SLC35F4: variants seen among roughly 807,000 people sequenced by gnomAD.
SLC35F4 encodes solute carrier family 35 member F4.
In SLC35F4, 24 loss-of-function variants were observed where a neutral mutation model predicts 44.2. The ratio of observed to expected loss-of-function variants is 0.54; its 90% confidence interval spans 0.39 to 0.76. SLC35F4 has a LOEUF of 0.76. Ranked by LOEUF, SLC35F4 falls within the 30% of genes least tolerant of loss-of-function variation. The pLI is 0.00. For synonymous variants in SLC35F4, 238 were observed against 223.6 expected, an observed-to-expected ratio of 1.06 and a Z score of -0.57; for missense variants, 562 against 586.1, an observed-to-expected ratio of 0.96 and a Z score of 0.42.
In SLC35F4 at chr14:57,791,679, G is replaced by T. The variant is rs2077923188; in HGVS notation, c.103+74044C>A. 2.0e-5 allele frequency among the ~76,000 whole-genome samples: 3 copies of T among 152,108 alleles called. 1 individual carries two copies. In the South Asian group the frequency reaches 6.2e-4, roughly 32 times the overall value. On this transcript the variant is annotated intron_variant, in intron 1 of 7. Coordinates refer to ENST00000556826, the MANE Select transcript of SLC35F4 (RefSeq NM_001306087.2). Reference sequence around the variant, plus strand: ...CACATGCACATGTATATTTACTACAGCACTATTCACAATAGCAAAGACTTG... The same window carrying T: ...CACATGCACATGTATATTTACTACATCACTATTCACAATAGCAAAGACTTG...
intron 1 of SLC35F4, among the ~76,000 whole-genome samples, chr14:57,726,744 C>T (rs2076213802): frequency 2.0e-5 from 3 of 152,078 alleles, no homozygotes; most frequent in African/African-American, 7.2e-5. Flanking sequence ...ATGGTTAATA[C>T]TGAGTGTCAA....
chr14:57,867,284 G>T (rs899778957), upstream of SLC35F4, among the ~76,000 whole-genome samples: 1 of 152,076 alleles, frequency 6.6e-6, no homozygotes, highest in Admixed American at 6.6e-5. Flanking sequence ...GAAGAAATAT[G>T]CAAATTTTTT....
At chr14:57,864,979 A>C (rs1887996228) in intron 1 of SLC35F4, among the ~76,000 whole-genome samples, 1 of 152,034 alleles carries the variant, frequency 6.6e-6, no homozygotes, top group Non-Finnish European at 1.5e-5. Flanking sequence ...TCCACGCCGC[A>C]TGACCTCGCT....
At chr14:57,759,424 AC>A (rs1277943091) in intron 1 of SLC35F4, among the ~76,000 whole-genome samples, 1 of 152,150 alleles carries the variant, frequency 6.6e-6, no homozygotes, top group Non-Finnish European at 1.5e-5. Context: ...TACACAAAAT[AC>A]AAAAATTAGC....
At chr14:57,938,993 G>A (rs1395655449) in intron 1 of SLC35F4, among the ~76,000 whole-genome samples, 1 of 152,166 alleles carries the variant, frequency 6.6e-6, no homozygotes, top group African/African-American at 2.4e-5. Context: ...AGAGGAAGGG[G>A]AAAGTCAATT....
At chr14:57,924,131 C>T (rs960292565) in intron 1 of SLC35F4, among the ~76,000 whole-genome samples, 1 of 152,216 alleles carries the variant, frequency 6.6e-6, no homozygotes, top group African/African-American at 2.4e-5. Context: ...TGAGGCCTCA[C>T]CAGCCATGTG....
downstream of SLC35F4, among the ~76,000 whole-genome samples, chr14:57,972,870 C>A (rs1283237105): frequency 6.6e-6 from 1 of 152,188 alleles, no homozygotes; most frequent in Middle Eastern, 3.2e-3. Flanking sequence ...TAGACAAAAC[C>A]CTATACTTAG....
At chr14:57,650,884 C>G (rs994737845) in intron 1 of SLC35F4, among the ~76,000 whole-genome samples, 2 of 152,134 alleles carry the variant, frequency 1.3e-5, no homozygotes, top group African/African-American at 4.8e-5. Context: ...TTCCCTGTGC[C>G]TGGAACCCTT....
At chr14:57,948,988 G>C (rs946422052) in intron 1 of SLC35F4, among the ~76,000 whole-genome samples, 1 of 152,084 alleles carries the variant, frequency 6.6e-6, no homozygotes, top group African/African-American at 2.4e-5. Context: ...TCTATGTGCT[G>C]ATGAAAAGAA....
intron 1 of SLC35F4, among the ~76,000 whole-genome samples, chr14:57,645,333 A>T (rs528387306): frequency 6.6e-5 from 10 of 152,148 alleles, no homozygotes; most frequent in East Asian, 1.9e-4. Flanking sequence ...AAGAGGTCCT[A>T]CACATCCCTT....
exon 2 of SLC35F4, chr14:57,976,772 A>C (rs1881230653): frequency 6.6e-6 from 1 of 152,216 alleles, no homozygotes; most frequent in Non-Finnish European, 1.5e-5. Flanking sequence ...CATACTTCTC[A>C]ACCTTTATCA....
intron 1 of SLC35F4, among the ~76,000 whole-genome samples, chr14:57,783,164 T>C (rs1180026138): frequency 6.6e-6 from 1 of 151,988 alleles, no homozygotes; most frequent in Admixed American, 6.6e-5. Context: ...GACTCTAATA[T>C]GATGTGAGAA....
In SLC35F4 at chr14:57,645,823, T is replaced by G. The variant is rs1362124391; in HGVS notation, c.104-51699A>C. The stretch of plus-strand genomic sequence containing the variant: ...TCAGTACCTAATTTATTGAGAGTTT[T>G]TAGCATGAAGGGCAGTTGAATTTTG... On this transcript the variant is annotated intron_variant, in intron 1 of 7. Transcript: ENST00000556826. 2.6e-5 allele frequency among the ~76,000 whole-genome samples: 4 copies of G among 151,644 alleles called. 1 individual carries two copies. The highest frequency in any genetic ancestry group is 9.7e-5 in the African/African-American group (4 of 41,406).
chr14:57,934,247 T>C (rs1889754794), intron 1 of SLC35F4, among the ~76,000 whole-genome samples: 1 of 151,298 alleles, frequency 6.6e-6, no homozygotes, highest in Non-Finnish European at 1.5e-5. Context: ...GTCCCTCTTT[T>C]GTCCCCCATT....
chr14:57,651,204 C>T (rs1232657792), intron 1 of SLC35F4, among the ~76,000 whole-genome samples: 1 of 152,204 alleles, frequency 6.6e-6, no homozygotes, highest in Non-Finnish European at 1.5e-5. Context: ...GTGCACAAAA[C>T]ATGTCAGTTG....
At chr14:57,791,663 A>G (rs569164672) in intron 1 of SLC35F4, among the ~76,000 whole-genome samples, 8 of 152,306 alleles carry the variant, frequency 5.3e-5, no homozygotes, top group African/African-American at 1.9e-4. Flanking sequence ...ACACATGCAC[A>G]TGTATATTTA....
intron 1 of SLC35F4, among the ~76,000 whole-genome samples, chr14:57,773,764 G>A (rs538939678): frequency 3.5e-4 from 53 of 152,214 alleles, no homozygotes; most frequent in Admixed American, 1.4e-3. Context: ...TCAGGTTACT[G>A]TGAAAGTACA....
chr14:57,599,780 C>T (rs946628948), intron 1 of SLC35F4, among the ~76,000 whole-genome samples: 10 of 135,996 alleles, frequency 7.4e-5, no homozygotes, highest in African/African-American at 2.5e-4. Context: ...CCAGCCTGGG[C>T]GACAGAGCAA....
chr14:57,952,265 CA>C (rs777422540), intron 1 of SLC35F4, among the ~76,000 whole-genome samples: 1 of 152,040 alleles, frequency 6.6e-6, no homozygotes, highest in Non-Finnish European at 1.5e-5. Context: ...GATGTCCACA[CA>C]AAAACCCCAT....
Sources: gnomAD v4.1 joint callset for allele counts (sites outside exome capture counted in the v4.1 genomes callset) on GRCh38, gnomAD v4.1.1 for gene constraint, MANE v1.5 for transcripts, NCBI Gene and HGNC (gene_info 2026-07-23, HGNC 2026-07-21) for gene names.